PCNX3: variants seen among roughly 807,000 people sequenced by gnomAD.
PCNX3 encodes the protein pecanex 3, also known as pecanex-like protein 3.
Under a neutral mutation model 207.2 loss-of-function variants are expected in PCNX3, and 58 were observed. The observed-to-expected ratio is 0.28, with a 90% CI of 0.23 to 0.35. The LOEUF is 0.35. Among genes scored for constraint, PCNX3 ranks in the 10% least tolerant of loss-of-function variants. The probability of loss-of-function intolerance (pLI) is 1.00; values close to 1 mark genes in which losing one functional copy is unlikely to be tolerated. For missense variants in PCNX3, 2,410 were observed against 2,774.4 expected, an observed-to-expected ratio of 0.87 and a Z score of 2.95; for synonymous variants, 1,337 against 1,183.5, an observed-to-expected ratio of 1.13 and a Z score of -2.66.
rs1375953393 is a variant in PCNX3, at chr11:65,636,790, C to T, written c.5917C>T (p.Leu1973Phe). The change falls in exon 35 of 35, where the codon CTC (leucine) becomes TTC (phenylalanine). Residue 1973 changes from leucine to phenylalanine, a missense_variant. Physicochemically the swap from Leu to Phe is conservative, Grantham distance 22. Around this residue, in one of 8 missense-constraint regions of PCNX3, gnomAD observed 278 missense variants for 245.1 expected, o/e 1.13. Coordinates refer to ENST00000355703, the MANE Select transcript of PCNX3 (RefSeq NM_032223.4). ...SQAPLDLSLS[L>F]SLSLSPDVST... ...GGCGCCTCTAGACCTCAGCCTCAGC[C>T]TCAGCCTCAGCCTCAGCCCCGATGT... 1.3e-6 allele frequency: 2 copies of T among 1,550,384 alleles called. No homozygotes were observed. The highest frequency in any genetic ancestry group is 1.7e-6 in the Non-Finnish European group (2 of 1,146,664).
intron 27 of PCNX3, among the ~76,000 whole-genome samples, chr11:65,631,617 C>T (rs1855619079): frequency 6.6e-6 from 1 of 152,060 alleles, no homozygotes; most frequent in Non-Finnish European, 1.5e-5. Flanking sequence ...CGAGATCGTG[C>T]TACTGCACTC....
chr11:65,637,300 A>T lies in PCNX3; in HGVS notation c.*322A>T. ...CAGCCCCTGGGCCTGCACTGCCTGC[A>T]GGTGTGGCCCCCTTGGCCTGGACCT... On this transcript the variant is annotated 3_prime_UTR_variant, in exon 35 of 35. Coordinates refer to ENST00000355703, the MANE Select transcript of PCNX3 (RefSeq NM_032223.4). 6.1e-6 allele frequency: 2 copies of T among 329,860 alleles called. No individual in the cohort carries two copies. 20.4% of individuals were successfully genotyped at this position (329,860 alleles called of 1,614,324 possible). A position where few individuals can be genotyped will look rare whatever the true frequency, so the allele number is the denominator to read the frequency against.
Position 65,620,836 on chromosome 11 carries a change from G to T in PCNX3, c.2105G>T (p.Arg702Leu). 1 of 1,595,888 alleles carries T rather than the reference G, an allele frequency of 6.3e-7. No homozygotes were observed. The highest frequency in any genetic ancestry group is 8.5e-7 in the Non-Finnish European group (1 of 1,172,354). ...GATGGCTGCTGTTCTCACAGGGACC[G>T]ACACTCGCATTCCTCCAGCTTCCAC... ...GEQTANGAWD[R>L]HSHSSSFHSA... The change falls in exon 10 of 35, where the codon CGA (arginine) becomes CTA (leucine). Residue 702 changes from arginine (R) to leucine (L), a missense_variant. This residue lies in a region of PCNX3 where 1,104 missense variants were observed against 970.3 expected (regional missense o/e 1.14). Transcript: ENST00000355703.
In PCNX3 at chr11:65,619,056, C is replaced by T. The variant is rs148306459; in HGVS notation, c.1694C>T (p.Ala565Val). 6.3e-7 allele frequency: 1 copy of T among 1,588,954 alleles called. No homozygotes were observed. The highest frequency in any genetic ancestry group is 1.1e-5 in the South Asian group (1 of 89,710). ...GWRGELQEEGAVGGAAEETGR... is the reference protein window; with the variant it reads ...GWRGELQEEGVVGGAAEETGR... ...CGGGGGGAGCTGCAGGAGGAAGGTG[C>T]TGTGGGGGGAGGTGAGTGCTTGCTC... is the stretch of plus-strand genomic sequence containing the variant. Residue 565 changes from alanine (A) to valine (V), a missense_variant, in exon 6 of 35, where the codon GCT becomes GTT. By Grantham distance (64) the Ala-to-Val change is moderately conservative. This residue lies in a region of PCNX3 where 1,104 missense variants were observed against 970.3 expected (regional missense o/e 1.14). Coordinates refer to ENST00000355703, the MANE Select transcript of PCNX3 (RefSeq NM_032223.4).
At chr11:65,622,209 G>C (rs760707127) in intron 10 of PCNX3, 36 bp from the exon 11 acceptor site, 1 of 1,586,822 alleles carries the variant, frequency 6.3e-7, no homozygotes, top group Non-Finnish European at 8.6e-7. Flanking sequence ...ACTGCAGTTT[G>C]ACCTGCTGGA....
rs770051412 is a variant in PCNX3, at chr11:65,636,276, C to A, written c.5562C>A (p.Pro1854=). 2 of 1,603,654 alleles carry A rather than the reference C, an allele frequency of 1.2e-6. No homozygotes were observed. Among genetic ancestry groups the A allele is most frequent in the South Asian group, 1.1e-5 (1 of 89,670 alleles). ...GGLTSLSNNP[P]VAHPTPENTA... ...TGACCTCCCTCAGCAATAACCCCCC[C>A]GTGGCACACCCCACACCTGAGAACA... Residue 1854 remains proline, a synonymous_variant, in exon 33 of 35, where the codon CCC becomes CCA. Coordinates refer to ENST00000355703, the MANE Select transcript of PCNX3 (RefSeq NM_032223.4).
At chr11:65,620,476 C>A in intron 9 of PCNX3, 47 bp downstream of exon 9, 1 of 1,588,796 alleles carries the variant, frequency 6.3e-7, no homozygotes. Flanking sequence ...TGGTGGCCTG[C>A]ATCTCTGGGA....
At chr11:65,636,025 C>G (rs1328420290) in intron 32 of PCNX3, 149 bp from the exon 33 acceptor site, 1 of 1,317,368 alleles carries the variant, frequency 7.6e-7, no homozygotes, top group East Asian at 2.5e-5. Flanking sequence ...TCAAAAGACT[C>G]TGCAAAGTAG....
At position 65,619,649 on chromosome 11, in the gene PCNX3, C is replaced by T. The variant is rs1392795726; in HGVS notation, c.1818C>T (p.Gly606=). ...SNPTPPASVM[G]SPPSSLQEAQ... ...CCACCCCTCCAGCCTCTGTCATGGG[C>T]TCGCCGCCCAGGTGAGCACCTTGCC... is the stretch of plus-strand genomic sequence containing the variant. The change falls in exon 7 of 35, where the codon GGC becomes GGT. Residue 606 remains glycine, a synonymous_variant. Coordinates refer to ENST00000355703, the MANE Select transcript of PCNX3 (RefSeq NM_032223.4). 5.6e-6 allele frequency: 9 copies of T among 1,598,746 alleles called. No individual in the cohort carries two copies. Among genetic ancestry groups the T allele is most frequent in the Non-Finnish European group, 7.6e-6 (9 of 1,177,628 alleles).
intron 5 of PCNX3, 92 bp downstream of exon 5, chr11:65,617,798 C>T: frequency 2.7e-6 from 4 of 1,482,336 alleles, no homozygotes; most frequent in South Asian, 1.2e-5. Flanking sequence ...TGGGTCTCCT[C>T]TGTATTCCTC....
chr11:65,634,465 G>A, intron 28 of PCNX3, 73 bp from the exon 29 acceptor site: 2 of 1,516,860 alleles, frequency 1.3e-6, no homozygotes, highest in Non-Finnish European at 1.8e-6. Context: ...CTTAGCCTGA[G>A]CCCCAGCCCC....
At position 65,629,538 on chromosome 11, in the gene PCNX3, T is replaced by C; in HGVS notation, c.4019T>C (p.Leu1340Pro). 6.2e-7 allele frequency: 1 copy of C among 1,613,682 alleles called. No homozygotes were observed. Among genetic ancestry groups the C allele is most frequent in the Non-Finnish European group, 8.5e-7 (1 of 1,179,834 alleles). ...GTCTTAGGCGCTGATGACAACAACC[T>C]CAACTCCATCTTCTATGAGCACTTG... ...DRNPGADDNN[L>P]NSIFYEHLTR... The change falls in exon 26 of 35, where the codon CTC becomes CCC. Residue 1340 changes from leucine to proline, a missense_variant. Coordinates refer to ENST00000355703, the MANE Select transcript of PCNX3 (RefSeq NM_032223.4).
At chr11:65,634,377 G>A in intron 28 of PCNX3, 21 bp downstream of exon 28, 1 of 1,555,766 alleles carries the variant, frequency 6.4e-7, no homozygotes, top group Non-Finnish European at 8.7e-7. Flanking sequence ...ACTACCTGAG[G>A]CTGCCACCTG....
rs1855727595 is a variant in PCNX3, at chr11:65,634,122, C to G, written c.4471-4C>G. ...CGGCCTGACGCCTGCCCCTCCTCTC[C>G]CAGAGCATCATCTACTACGTGAGCC... On this transcript the variant is annotated splice_polypyrimidine_tract_variant and splice_region_variant and intron_variant, in intron 27 of 34. Transcript: ENST00000355703. 1 of 1,609,714 alleles carries G rather than the reference C, an allele frequency of 6.2e-7. No homozygotes were observed. The highest frequency in any genetic ancestry group is 1.7e-5 in the Admixed American group (1 of 59,852).
Position 65,616,276 on chromosome 11 carries a change from C to T in PCNX3, c.-36C>T, listed in dbSNP as rs746621167. On this transcript the variant is annotated 5_prime_UTR_variant, in exon 1 of 35. Coordinates refer to ENST00000355703, the MANE Select transcript of PCNX3 (RefSeq NM_032223.4). ...GGCCGGGGGCCGCCCCCATGAGGGT[C>T]CCGGGAGGGGGGGCGCGGGCAGCAG... 6 of 1,515,352 alleles carry T rather than the reference C, an allele frequency of 4.0e-6. No homozygotes were observed. The highest frequency in any genetic ancestry group is 2.0e-5 in the Admixed American group (1 of 49,696). The allele number at this position is 1,515,352 out of a possible 1,614,324, so 93.9% of individuals were successfully genotyped here.
In PCNX3 at chr11:65,619,062, G is replaced by A. The variant is rs758747449; in HGVS notation, c.1700G>A (p.Gly567Glu). The stretch of plus-strand genomic sequence containing the variant: ...GAGCTGCAGGAGGAAGGTGCTGTGG[G>A]GGGAGGTGAGTGCTTGCTCTAGAGG... ...RGELQEEGAV[G>E]GAAEETGRRD... The change falls in exon 6 of 35, where the codon GGG becomes GAG. Residue 567 changes from glycine (G) to glutamate (E), a missense_variant. Gly to Glu is a moderately conservative substitution (Grantham distance 98). Transcript: ENST00000355703. 3 of 1,588,362 alleles carry A rather than the reference G, an allele frequency of 1.9e-6. No homozygotes were observed. The highest frequency in any genetic ancestry group is 2.6e-6 in the Non-Finnish European group (3 of 1,174,910).
At chr11:65,629,853 C>T in intron 26 of PCNX3, 118 bp downstream of exon 26, 6 of 1,162,662 alleles carry the variant, frequency 5.2e-6, no homozygotes, top group Non-Finnish European at 7.3e-6. Context: ...GGCGGGTGGC[C>T]TTGGGCAAGG....
chr11:65,634,013 C>T (rs1276684544), intron 27 of PCNX3, 113 bp from the exon 28 acceptor site: 1 of 1,002,912 alleles, frequency 1.0e-6, no homozygotes, highest in Non-Finnish European at 1.4e-6. Context: ...AGCGGGGCAT[C>T]CCAGAAAGCG....
intron 10 of PCNX3, 64 bp downstream of exon 10, chr11:65,621,030 C>G: frequency 1.4e-6 from 2 of 1,478,604 alleles, no homozygotes; most frequent in South Asian, 2.7e-5. Flanking sequence ...ATCACTGAGT[C>G]CGGCCTGCAT....
Sources: allele counts gnomAD v4.1 joint callset (sites outside exome capture counted in the v4.1 genomes callset), GRCh38; gene constraint gnomAD v4.1.1; regional missense constraint gnomAD v4.1.1; transcripts MANE v1.5; gene names NCBI Gene and HGNC (gene_info 2026-07-23, HGNC 2026-07-21).